Variants in CLVS1 observed in about 807,000 individuals in gnomAD.
CLVS1 encodes clavesin-1.
Under a neutral mutation model 33.1 loss-of-function variants are expected in CLVS1, and 10 were observed. That is an observed-to-expected ratio of 0.30 (90% CI 0.19 to 0.51). The LOEUF (loss-of-function observed/expected upper bound fraction) is 0.51, where lower values mean the gene tolerates loss of function less well. CLVS1 is among the 20% of genes least tolerant of loss of function. CLVS1 has a pLI of 0.97. For synonymous variants in CLVS1, 163 were observed against 166.1 expected, an observed-to-expected ratio of 0.98 and a Z score of 0.14; for missense variants, 343 against 433.4, an observed-to-expected ratio of 0.79 and a Z score of 1.85.
intron 2 of CLVS1, among the ~76,000 whole-genome samples, chr8:61,303,185 GACAC>G (rs1810498240): frequency 2.0e-5 from 3 of 152,172 alleles, no homozygotes; most frequent in South Asian, 4.1e-4. Flanking sequence ...AGTAAATGGG[GACAC>G]ACACATAAAG....
chr8:61,196,525 C>A (rs1807612685), intron 2 of CLVS1, among the ~76,000 whole-genome samples: 1 of 151,990 alleles, frequency 6.6e-6, no homozygotes. Flanking sequence ...TTTTGGAAGC[C>A]CAGGGTTGGC....
At chr8:61,162,252 T>A (rs1205630790) in intron 2 of CLVS1, among the ~76,000 whole-genome samples, 2 of 152,242 alleles carry the variant, frequency 1.3e-5, no homozygotes, top group African/African-American at 4.8e-5. Context: ...GGCCTTTCTT[T>A]GAATCCCATA....
At chr8:60,993,062 A>C in the CLVS1 span, among the ~76,000 whole-genome samples, 1 of 152,238 alleles carries the variant, frequency 6.6e-6, no homozygotes, top group Non-Finnish European at 1.5e-5. Context: ...TGATGTGGCC[A>C]TGAAGGGATG....
At chr8:61,061,940 A>G (rs1804590871) in intron 1 of CLVS1, among the ~76,000 whole-genome samples, 2 of 151,930 alleles carry the variant, frequency 1.3e-5, no homozygotes, top group South Asian at 4.2e-4. Flanking sequence ...TATTATGTTT[A>G]TTTCATCCCT....
intron 2 of CLVS1, among the ~76,000 whole-genome samples, chr8:61,169,338 T>C (rs968614901): frequency 5.3e-5 from 8 of 152,180 alleles, no homozygotes; most frequent in African/African-American, 1.7e-4. Context: ...AGGGAGAGGC[T>C]CTTTCTAAAA....
Position 61,500,778 on chromosome 8 carries a change from A to AAAC in CLVS1, c.*1239_*1241dup, listed in dbSNP as rs1436341746. The AAAC allele has an allele frequency of 5.3e-5, 8 of 152,316 alleles. 1 individual carries two copies. In the South Asian group the frequency reaches 1.7e-3, roughly 32 times the overall value. 9.4% of individuals were successfully genotyped at this position (152,316 alleles called of 1,614,324 possible). A position where few individuals can be genotyped will look rare whatever the true frequency, so the allele number is the denominator to read the frequency against. Reference sequence around the variant, plus strand: ...GTATTACCAGTTGGTGCTCAAAGTCAAACAAAAATATTTTAGTTAATAATG... The same window carrying AAAC: ...GTATTACCAGTTGGTGCTCAAAGTCAAACAACAAAAATATTTTAGTTAATAATG... On this transcript the variant is annotated 3_prime_UTR_variant, in exon 6 of 6. Coordinates refer to ENST00000325897, the MANE Select transcript of CLVS1 (RefSeq NM_173519.3).
At chr8:61,498,666 T>TAAG in intron 5 of CLVS1, among the ~76,000 whole-genome samples, 1 of 152,358 alleles carries the variant, frequency 6.6e-6, no homozygotes, top group African/African-American at 2.4e-5. Context: ...TGGTTGGTCA[T>TAAG]AAGAGTGCTT....
the CLVS1 span, among the ~76,000 whole-genome samples, chr8:60,971,653 G>T: frequency 6.6e-6 from 1 of 152,220 alleles, no homozygotes; most frequent in African/African-American, 2.4e-5. Flanking sequence ...GTGAAAATGA[G>T]CCTCTCAGCA....
chr8:61,474,164 A>T (rs547578718), intron 5 of CLVS1, among the ~76,000 whole-genome samples: 1 of 152,304 alleles, frequency 6.6e-6, no homozygotes, highest in African/African-American at 2.4e-5. Flanking sequence ...ATTCTCCAAC[A>T]TGGAGAATGG....
At chr8:61,176,140 T>A (rs1807107939) in intron 2 of CLVS1, among the ~76,000 whole-genome samples, 1 of 152,328 alleles carries the variant, frequency 6.6e-6, no homozygotes, top group East Asian at 1.9e-4. Context: ...GGATCTGTGG[T>A]GCTGTTTTGT....
intron 2 of CLVS1, among the ~76,000 whole-genome samples, chr8:61,161,500 A>G (rs1240141701): frequency 2.0e-5 from 3 of 152,344 alleles, no homozygotes; most frequent in East Asian, 3.9e-4. Context: ...ATTTTTGAAA[A>G]CATGGATGAA....
At chr8:61,467,904 A>G (rs1016889153) in intron 5 of CLVS1, among the ~76,000 whole-genome samples, 2 of 152,212 alleles carry the variant, frequency 1.3e-5, no homozygotes, top group Non-Finnish European at 2.9e-5. Context: ...ACTTTCCACC[A>G]CTAAGGACCT....
At chr8:61,249,980 A>G (rs1156316514) in intron 2 of CLVS1, among the ~76,000 whole-genome samples, 4 of 152,136 alleles carry the variant, frequency 2.6e-5, no homozygotes, top group Non-Finnish European at 5.9e-5. Flanking sequence ...TTAGACATGA[A>G]GTATTTGCCC....
chr8:61,364,691 T>G (rs1047421523), intron 2 of CLVS1, among the ~76,000 whole-genome samples: 1 of 152,206 alleles, frequency 6.6e-6, no homozygotes, highest in African/African-American at 2.4e-5. Flanking sequence ...ATTAGCCATA[T>G]TTTTCAGGGT....
chr8:61,292,239 A>C (rs1464050738), intron 1 of CLVS1: 1 of 420,178 alleles, frequency 2.4e-6, no homozygotes, highest in Non-Finnish European at 4.8e-6. Context: ...TCTATTTCTA[A>C]TTGAGGAGAA....
chr8:61,338,661 CT>C (rs1175411949), intron 2 of CLVS1, among the ~76,000 whole-genome samples: 5 of 152,330 alleles, frequency 3.3e-5, no homozygotes, highest in African/African-American at 1.2e-4. Flanking sequence ...GCAGCAGATT[CT>C]CAAAGGAGCA....
Position 61,483,484 on chromosome 8 carries a change from C to T in CLVS1, c.978-15971C>T, listed in dbSNP as rs201162085. Among the ~76,000 whole-genome samples the T allele has an allele frequency of 5.9e-5, 9 of 152,080 alleles. No individual in the cohort carries two copies. In the South Asian group the frequency reaches 8.3e-4, roughly 14 times the overall value. On this transcript the variant is annotated intron_variant, in intron 5 of 5. Transcript: ENST00000325897. ...CAACCAAAAAAAGTCCAGGACCAGA[C>T]GGATTCACAGCTGAATTCTACCAGA...
the CLVS1 span, among the ~76,000 whole-genome samples, chr8:60,991,004 C>T: frequency 1.3e-5 from 2 of 152,152 alleles, no homozygotes; most frequent in Non-Finnish European, 2.9e-5. Context: ...AGCCAACGTG[C>T]CCAACTAATT....
chr8:61,332,602 T>C (rs1811640935), intron 2 of CLVS1, among the ~76,000 whole-genome samples: 1 of 152,230 alleles, frequency 6.6e-6, no homozygotes, highest in Admixed American at 6.5e-5. Flanking sequence ...TACTCTTATG[T>C]AAATGGAGTT....
Sources: gnomAD v4.1 joint callset for allele counts (sites outside exome capture counted in the v4.1 genomes callset) on GRCh38, gnomAD v4.1.1 for gene constraint, MANE v1.5 for transcripts, NCBI Gene and HGNC (gene_info 2026-07-23, HGNC 2026-07-21) for gene names.